KHDRBS2: variants seen among roughly 807,000 people sequenced by gnomAD.
The protein encoded by KHDRBS2 is KH RNA binding domain containing, signal transduction associated 2.
KHDRBS2 carries 26 observed loss-of-function variants against 44.3 expected under a neutral mutation model. The ratio of observed to expected loss-of-function variants is 0.59; its 90% confidence interval spans 0.43 to 0.81. KHDRBS2 has a LOEUF of 0.81. Among genes scored for constraint, KHDRBS2 ranks in the 40% least tolerant of loss-of-function variants. The pLI, the probability that KHDRBS2 is intolerant of heterozygous loss-of-function variation, is 0.00. For synonymous variants in KHDRBS2, 194 were observed against 151.1 expected, an observed-to-expected ratio of 1.28 and a Z score of -2.08; for missense variants, 476 against 433.1, an observed-to-expected ratio of 1.10 and a Z score of -0.88.
the KHDRBS2 span, among the ~76,000 whole-genome samples, chr6:61,606,579 G>A: frequency 6.6e-6 from 1 of 152,138 alleles, no homozygotes; most frequent in Admixed American, 6.6e-5. Flanking sequence ...ATCATCTTGA[G>A]GTTATGGTAA....
At chr6:61,556,537 C>T in the KHDRBS2 span, among the ~76,000 whole-genome samples, 3 of 152,262 alleles carry the variant, frequency 2.0e-5, no homozygotes, top group South Asian at 4.1e-4. Context: ...AAAATGCCTA[C>T]CAAATACCCA....
intron 2 of KHDRBS2, among the ~76,000 whole-genome samples, chr6:62,079,413 T>C (rs1357619491): frequency 1.3e-5 from 2 of 151,954 alleles, no homozygotes; most frequent in Admixed American, 1.3e-4. Context: ...TGGAATCAGG[T>C]TTCAGCATTT....
chr6:61,775,123 G>C (rs937248316), intron 6 of KHDRBS2, among the ~76,000 whole-genome samples: 2 of 152,036 alleles, frequency 1.3e-5, no homozygotes, highest in African/African-American at 4.8e-5. Context: ...AATAAATTAG[G>C]TATGGATGGG....
intron 5 of KHDRBS2, among the ~76,000 whole-genome samples, chr6:61,896,266 C>A (rs1291083487): frequency 6.6e-6 from 1 of 152,176 alleles, no homozygotes; most frequent in Admixed American, 6.5e-5. Context: ...TTTTAACACT[C>A]TCAAAAATAT....
At chr6:62,002,438 A>G (rs557054213) in intron 3 of KHDRBS2, among the ~76,000 whole-genome samples, 1 of 151,840 alleles carries the variant, frequency 6.6e-6, no homozygotes, top group East Asian at 1.9e-4. Flanking sequence ...AACATCATAA[A>G]TGTCTTTTCT....
the KHDRBS2 span, among the ~76,000 whole-genome samples, chr6:61,590,217 G>A: frequency 6.6e-6 from 1 of 151,990 alleles, no homozygotes; most frequent in Admixed American, 6.6e-5. Flanking sequence ...AAAAAGATGG[G>A]GACTATTAAA....
intron 2 of KHDRBS2, among the ~76,000 whole-genome samples, chr6:62,051,843 AAG>A: frequency 6.6e-6 from 1 of 152,184 alleles, no homozygotes; most frequent in Non-Finnish European, 1.5e-5. Flanking sequence ...CACTTATAAA[AAG>A]AAATAAAAAT....
intron 2 of KHDRBS2, among the ~76,000 whole-genome samples, chr6:62,102,156 G>C (rs1205808196): frequency 1.3e-5 from 2 of 152,040 alleles, no homozygotes; most frequent in Middle Eastern, 3.4e-3. Flanking sequence ...TATTTAATAG[G>C]ACTTGAAAAT....
the KHDRBS2 span, chr6:61,574,465 C>A: frequency 1.1e-5 from 14 of 1,326,348 alleles, no homozygotes; most frequent in Admixed American, 1.1e-4. Context: ...ACCCAATAAG[C>A]CCACAGGCTC....
At chr6:62,088,211 A>G (rs541467476) in intron 2 of KHDRBS2, among the ~76,000 whole-genome samples, 1 of 152,276 alleles carries the variant, frequency 6.6e-6, no homozygotes, top group African/African-American at 2.4e-5. Context: ...CGTCAAACTC[A>G]TTCTCCATCA....
chr6:61,572,998 G>A, the KHDRBS2 span, among the ~76,000 whole-genome samples: 2 of 152,040 alleles, frequency 1.3e-5, no homozygotes, highest in African/African-American at 2.4e-5. Context: ...GAAATAAAGG[G>A]CATTCAAATT....
intron 6 of KHDRBS2, 32 bp downstream of exon 6, chr6:61,894,603 A>C: frequency 6.4e-7 from 1 of 1,563,866 alleles, no homozygotes. Context: ...AATTTAACTC[A>C]TCCTTACAAC....
At chr6:61,885,883 G>A (rs1399762238) in intron 6 of KHDRBS2, among the ~76,000 whole-genome samples, 1 of 152,020 alleles carries the variant, frequency 6.6e-6, no homozygotes, top group Non-Finnish European at 1.5e-5. Flanking sequence ...TCCTTCCTGT[G>A]CCTCTTCCTT....
intron 5 of KHDRBS2, among the ~76,000 whole-genome samples, chr6:61,896,127 A>G (rs531934089): frequency 3.0e-4 from 45 of 152,276 alleles, no homozygotes; most frequent in Non-Finnish European, 4.7e-4. Context: ...CCATGATAAT[A>G]CATAAAGGGA....
the KHDRBS2 span, among the ~76,000 whole-genome samples, chr6:61,633,131 T>C: frequency 6.6e-6 from 1 of 152,058 alleles, no homozygotes; most frequent in African/African-American, 2.4e-5. Flanking sequence ...TAGTGTTTCT[T>C]ATTTTTCTTC....
At chr6:62,238,761 ATTAT>A (rs1170487152) in intron 1 of KHDRBS2, among the ~76,000 whole-genome samples, 1 of 151,848 alleles carries the variant, frequency 6.6e-6, no homozygotes, top group Non-Finnish European at 1.5e-5. Context: ...CAGTCCACAG[ATTAT>A]TTATTACAGT....
At chr6:62,112,041 T>C (rs1805125474) in intron 2 of KHDRBS2, among the ~76,000 whole-genome samples, 1 of 152,144 alleles carries the variant, frequency 6.6e-6, no homozygotes, top group South Asian at 2.1e-4. Context: ...AATCATTTAC[T>C]GGAAATTATT....
chr6:62,106,868 A>T (rs1269121269), intron 2 of KHDRBS2, among the ~76,000 whole-genome samples: 5 of 152,012 alleles, frequency 3.3e-5, no homozygotes, highest in Non-Finnish European at 5.9e-5. Flanking sequence ...TAGATGCAGA[A>T]AAGGCCTTTG....
At chr6:61,953,458 T>A (rs1765197703) in intron 4 of KHDRBS2, among the ~76,000 whole-genome samples, 1 of 151,958 alleles carries the variant, frequency 6.6e-6, no homozygotes, top group South Asian at 2.1e-4. Context: ...CTCAGAACCA[T>A]CTAAACTGAA....
Sources: allele counts gnomAD v4.1 joint callset (sites outside exome capture counted in the v4.1 genomes callset), GRCh38; gene constraint gnomAD v4.1.1; transcripts MANE v1.5; gene names NCBI Gene and HGNC (gene_info 2026-07-23, HGNC 2026-07-21).